LIN7B: variants seen among roughly 807,000 people sequenced by gnomAD.
LIN7B encodes lin-7 cell polarity scaffold B, also known as protein lin-7 homolog B.
LIN7B carries 16 observed loss-of-function variants against 27.9 expected under a neutral mutation model. The ratio of observed to expected loss-of-function variants is 0.57; its 90% CI spans 0.39 to 0.87. LIN7B has a LOEUF of 0.87. Among genes scored for constraint, LIN7B ranks in the 40% least tolerant of loss-of-function variants. LIN7B has a pLI of 0.00. For missense variants in LIN7B, 291 were observed against 288.5 expected (o/e 1.01, Z -0.06); for synonymous variants, 147 against 120.8 (o/e 1.22, Z -1.42).
chr19:49,116,142 G>C, intron 3 of LIN7B, 121 bp from the exon 4 acceptor site: 2 of 724,852 alleles, frequency 2.8e-6, no homozygotes, highest in Admixed American at 5.2e-5. Context: ...GCCATGACAA[G>C]TGTCCCATGC....
chr19:49,118,143 G>C, intron 5 of LIN7B, 125 bp downstream of exon 5: 1 of 1,483,046 alleles, frequency 6.7e-7, no homozygotes. Flanking sequence ...CCTGACCCTT[G>C]ACCCTTGGCC....
chr19:49,115,424 CATG>C (rs5828374), intron 3 of LIN7B, 93 bp downstream of exon 3: 344,625 of 1,176,210 alleles, frequency 0.29, 53,562 homozygotes, highest in South Asian at 0.35. Context: ...TTTCCTCCCT[CATG>C]ATTTTTGCTA....
chr19:49,118,207 C>T, intron 5 of LIN7B, 145 bp from the exon 6 acceptor site: 3 of 1,313,086 alleles, frequency 2.3e-6, no homozygotes, highest in Non-Finnish European at 3.2e-6. Flanking sequence ...CCCTTAGCTT[C>T]CTTCCATCCC....
At chr19:49,115,438 A>C in intron 3 of LIN7B, 107 bp downstream of exon 3, 1 of 988,556 alleles carries the variant, frequency 1.0e-6, no homozygotes, top group Non-Finnish European at 1.5e-6. Flanking sequence ...ATTTTTGCTA[A>C]ATCTATGTGC....
chr19:49,114,875 G>C lies in LIN7B; in HGVS notation c.64G>C (p.Glu22Gln), dbSNP rs2040798862. The change falls in exon 2 of 6, where the codon GAG becomes CAG. Residue 22 changes from glutamate to glutamine, a missense_variant. Physicochemically the swap from Glu to Gln is conservative, Grantham distance 29. Coordinates refer to ENST00000221459, the MANE Select transcript of LIN7B (RefSeq NM_022165.3). The stretch of plus-strand genomic sequence containing the variant: ...CGTGTCCCGGGCGGTTGAGCTCCTC[G>C]AGCGGCTCCAGCGCAGCGGGGAGCT... ...RDVSRAVELLERLQRSGELPP... is the reference protein window; with the variant it reads ...RDVSRAVELLQRLQRSGELPP... 2 of 1,472,226 alleles carry C rather than the reference G, an allele frequency of 1.4e-6. No homozygotes were observed. Among genetic ancestry groups the C allele is most frequent in the African/African-American group, 2.9e-5 (2 of 68,440 alleles). 91.2% of individuals were successfully genotyped at this position (1,472,226 alleles called of 1,614,324 possible).
chr19:49,115,109 G>A, intron 2 of LIN7B, 142 bp downstream of exon 2: 1 of 896,428 alleles, frequency 1.1e-6, no homozygotes, highest in Non-Finnish European at 1.6e-6. Context: ...TCAGCTCAGG[G>A]GTTCTTCGGG....
intron 3 of LIN7B, 64 bp from the exon 4 acceptor site, chr19:49,116,199 C>G: frequency 1.4e-6 from 2 of 1,459,678 alleles, no homozygotes; most frequent in Non-Finnish European, 1.9e-6. Flanking sequence ...GTCCACATCC[C>G]CCACCCCAGC....
At chr19:49,116,697 CATA>C (rs1334853820) in intron 4 of LIN7B, among the ~76,000 whole-genome samples, 1 of 152,208 alleles carries the variant, frequency 6.6e-6, no homozygotes, top group Non-Finnish European at 1.5e-5. Flanking sequence ...AATCCAGAGA[CATA>C]ATAATGAGGA....
rs527353238 is a variant in LIN7B, at chr19:49,114,739, G to C, written c.38-110G>C. 288 of 586,492 alleles carry C rather than the reference G, an allele frequency of 4.9e-4. 2 individuals carry two copies. The highest frequency in any genetic ancestry group is 7.4e-4 in the Non-Finnish European group (277 of 375,928). 36.3% of individuals were successfully genotyped at this position (586,492 alleles called of 1,614,324 possible). A position where few individuals can be genotyped will look rare whatever the true frequency, so the allele number is the denominator to read the frequency against. The stretch of plus-strand genomic sequence containing the variant: ...CTGCGGGGTGTCCGACTAGGCTTCG[G>C]CCGTCCTCCCCGGACTGTGCGCTCG... On this transcript the variant is annotated intron_variant, in intron 1 of 5. Coordinates refer to ENST00000221459, the MANE Select transcript of LIN7B (RefSeq NM_022165.3).
chr19:49,115,292 C>A lies in LIN7B; in HGVS notation c.189C>A (p.Ile63=). The change falls in exon 3 of 6, where the codon ATC becomes ATA. Residue 63 remains isoleucine (I), a synonymous_variant. Coordinates refer to ENST00000221459, the MANE Select transcript of LIN7B (RefSeq NM_022165.3). ...VYEQLYDTLD[I]TGSAEIRAHA... Reference sequence around the variant, plus strand: ...AGCAGCTTTATGACACGCTGGACATCACCGGCAGCGCCGAGATCCGAGCCC... The same window carrying A: ...AGCAGCTTTATGACACGCTGGACATAACCGGCAGCGCCGAGATCCGAGCCC... 1.3e-6 allele frequency: 2 copies of A among 1,566,926 alleles called. No homozygotes were observed. The highest frequency in any genetic ancestry group is 1.7e-6 in the Non-Finnish European group (2 of 1,155,030).
At chr19:49,115,038 G>A (rs1437750382) in intron 2 of LIN7B, 71 bp downstream of exon 2, 3 of 1,094,540 alleles carry the variant, frequency 2.7e-6, no homozygotes, top group South Asian at 1.9e-5. Flanking sequence ...TGCTTGTCCC[G>A]AGCCCGGAGA....
Position 49,118,410 on chromosome 19 carries a change from TGTACA to T in LIN7B, c.*41_*45del, listed in dbSNP as rs1353547795. The T allele has an allele frequency of 1.2e-6, 2 of 1,611,072 alleles. No individual in the cohort carries two copies. Among genetic ancestry groups the T allele is most frequent in the Non-Finnish European group, 1.7e-6 (2 of 1,177,174 alleles). Reference sequence around the variant, plus strand: ...TGGACGTTCACGTGCACTCTCTTCCTGTACAGTATTTATTGTTCCTGGCACTTTAT... The same window carrying T: ...TGGACGTTCACGTGCACTCTCTTCCTGTATTTATTGTTCCTGGCACTTTAT... On this transcript the variant is annotated 3_prime_UTR_variant, in exon 6 of 6. Coordinates refer to ENST00000221459, the MANE Select transcript of LIN7B (RefSeq NM_022165.3).
chr19:49,115,212 G>T (rs779312091), intron 2 of LIN7B, 48 bp from the exon 3 acceptor site: 1 of 1,514,730 alleles, frequency 6.6e-7, no homozygotes, highest in South Asian at 1.2e-5. Flanking sequence ...CCTGCGTCTA[G>T]GGCTGGAGGA....
intron 3 of LIN7B, chr19:49,115,830 C>CA (rs761676853): frequency 0.022 from 1,649 of 76,682 alleles, 11 homozygotes; most frequent in African/African-American, 0.038. Flanking sequence ...CACAGAAATA[C>CA]AAAAAAAAAA....
rs1436875062 is a variant in LIN7B, at chr19:49,118,359, G to A, written c.610G>A (p.Glu204Lys). 1.9e-6 allele frequency: 3 copies of A among 1,614,172 alleles called. No homozygotes were observed. The East Asian group carries it at 6.7e-5, about 36-fold the overall frequency. ...RQQHQSYSSL[E>K]SRG is the part of the protein sequence containing the mutation. ...TGTCCACCCCCCTTGCAGGTCCTTG[G>A]AGTCTCGAGGTTGAAACCACAGATC... is the stretch of plus-strand genomic sequence containing the variant. The change falls in exon 6 of 6, where the codon GAG (glutamate) becomes AAG (lysine). Residue 204 changes from glutamate (E) to lysine (K), a missense_variant. Coordinates refer to ENST00000221459, the MANE Select transcript of LIN7B (RefSeq NM_022165.3).
intron 4 of LIN7B, 132 bp downstream of exon 4, chr19:49,116,604 ACT>A: frequency 2.4e-6 from 2 of 843,670 alleles, no homozygotes; most frequent in East Asian, 2.7e-5. Flanking sequence ...AATGTTACAG[ACT>A]CTGAGAGATG....
chr19:49,115,069 C>G, intron 2 of LIN7B, 102 bp downstream of exon 2: 1 of 929,970 alleles, frequency 1.1e-6, no homozygotes, highest in Non-Finnish European at 1.5e-6. Context: ...CGGCAGCTCC[C>G]GAGGCGGCCC....
chr19:49,116,127 A>G (rs2040821524), intron 3 of LIN7B, 136 bp from the exon 4 acceptor site: 8 of 661,170 alleles, frequency 1.2e-5, no homozygotes, highest in Non-Finnish European at 2.1e-5. Context: ...GGGATCGTGC[A>G]TTGTGCCATG....
rs2040872660 is a variant in LIN7B, at chr19:49,118,384, C to T, written c.*11C>T. 1 of 1,613,904 alleles carries T rather than the reference C, an allele frequency of 6.2e-7. No individual in the cohort carries two copies. ...GAGTCTCGAGGTTGAAACCACAGAT[C>T]TGGACGTTCACGTGCACTCTCTTCC... On this transcript the variant is annotated 3_prime_UTR_variant, in exon 6 of 6. Coordinates refer to ENST00000221459, the MANE Select transcript of LIN7B (RefSeq NM_022165.3).
Sources: allele counts gnomAD v4.1 joint callset (sites outside exome capture counted in the v4.1 genomes callset), GRCh38; gene constraint gnomAD v4.1.1; transcripts MANE v1.5; gene names NCBI Gene and HGNC (gene_info 2026-07-23, HGNC 2026-07-21).